The following RPTOR variants were observed in gnomAD, a reference collection of about 807,000 sequenced individuals.
The protein encoded by RPTOR is regulatory-associated protein of mTOR.
RPTOR carries 21 observed loss-of-function variants against 169.9 expected under a neutral mutation model. The observed-to-expected ratio is 0.12, with a 90% CI of 0.09 to 0.18. The LOEUF is 0.18. RPTOR is among the 10% of genes least tolerant of loss of function. RPTOR has a pLI of 1.00. For synonymous variants in RPTOR, 732 were observed against 753.2 expected (o/e 0.97, Z 0.46); for missense variants, 1,133 against 1,855.9 (o/e 0.61, Z 7.16).
At chr17:80,638,225 T>C (rs2065523538) in intron 2 of RPTOR, among the ~76,000 whole-genome samples, 1 of 152,028 alleles carries the variant, frequency 6.6e-6, no homozygotes, top group South Asian at 2.1e-4. Context: ...GAGCCCACAC[T>C]CTGAGGTCCG....
chr17:80,893,311 G>A (rs993859981), intron 19 of RPTOR, among the ~76,000 whole-genome samples: 7 of 145,148 alleles, frequency 4.8e-5, no homozygotes, highest in Non-Finnish European at 9.1e-5. Context: ...GTGTGTGTGC[G>A]CCAGGTGTGT....
intron 1 of RPTOR, among the ~76,000 whole-genome samples, chr17:80,549,464 C>T (rs1599539767): frequency 6.6e-6 from 1 of 152,178 alleles, no homozygotes; most frequent in Non-Finnish European, 1.5e-5. Flanking sequence ...TGCCCACCAC[C>T]ATGCCTGGCC....
At chr17:80,771,262 A>T (rs2066840351) in intron 6 of RPTOR, among the ~76,000 whole-genome samples, 1 of 151,946 alleles carries the variant, frequency 6.6e-6, no homozygotes, top group South Asian at 2.1e-4. Flanking sequence ...CCTGTGAGAA[A>T]CTGCAGCTCA....
intron 9 of RPTOR, among the ~76,000 whole-genome samples, chr17:80,825,236 A>C (rs12945347): frequency 8.4e-5 from 9 of 107,064 alleles, no homozygotes; most frequent in South Asian, 3.2e-4. Flanking sequence ...CCACCTCTCC[A>C]TCTAGAGGCC....
intron 11 of RPTOR, among the ~76,000 whole-genome samples, chr17:80,848,737 C>G (rs1358789668): frequency 6.6e-5 from 10 of 152,258 alleles, no homozygotes; most frequent in Admixed American, 6.5e-4. Context: ...AATCGGCCCT[C>G]TCCAAAGCAG....
Position 80,966,249 on chromosome 17 carries a change from C to T in RPTOR, c.*1919C>T, listed in dbSNP as rs1049701222. The T allele has an allele frequency of 4.3e-6, 1 of 232,872 alleles. No homozygotes were observed. Among genetic ancestry groups the T allele is most frequent in the African/African-American group, 2.2e-5 (1 of 45,308 alleles). 14.4% of individuals were successfully genotyped at this position (232,872 alleles called of 1,614,324 possible). The stretch of plus-strand genomic sequence containing the variant: ...TTAACCGGCTCGAGAGAGCGCCGGC[C>T]TAGAGGCTCATTATCTATTTATTTT... On this transcript the variant is annotated 3_prime_UTR_variant, in exon 34 of 34. Coordinates refer to ENST00000306801, the MANE Select transcript of RPTOR (RefSeq NM_020761.3).
rs1034298545 is a variant in RPTOR, at chr17:80,966,216, T to C, written c.*1886T>C. 7.0e-5 allele frequency: 14 copies of C among 201,116 alleles called. No individual in the cohort carries two copies. Among genetic ancestry groups the C allele is most frequent in the Non-Finnish European group, 1.2e-4 (12 of 102,912 alleles). The allele number at this position is 201,116 out of a possible 1,614,324, so 12.5% of individuals were successfully genotyped here. On this transcript the variant is annotated 3_prime_UTR_variant, in exon 34 of 34. Transcript: ENST00000306801. ...TCACAGGTCTGATGTGAAAATTCAA[T>C]CACGACGTTAACCGGCTCGAGAGAG...
intron 3 of RPTOR, among the ~76,000 whole-genome samples, chr17:80,658,255 A>G (rs1388035363): frequency 1.3e-5 from 2 of 152,168 alleles, no homozygotes; most frequent in Admixed American, 1.3e-4. Flanking sequence ...GTTCAGGGTC[A>G]TGTTTCTTCA....
chr17:80,862,539 C>T (rs546758703), intron 13 of RPTOR, among the ~76,000 whole-genome samples: 27 of 151,734 alleles, frequency 1.8e-4, no homozygotes, highest in Non-Finnish European at 2.8e-4. Flanking sequence ...GATGGTCCTC[C>T]GAAGCTCCGC....
chr17:80,643,674 G>C (rs1316668317), intron 2 of RPTOR, 54 bp from the exon 3 acceptor site: 2 of 1,353,674 alleles, frequency 1.5e-6, no homozygotes, highest in African/African-American at 1.4e-5. Flanking sequence ...GAGAGGCCTA[G>C]CAGAGGAGGA....
At chr17:80,658,196 C>G (rs572286143) in intron 3 of RPTOR, among the ~76,000 whole-genome samples, 1 of 152,336 alleles carries the variant, frequency 6.6e-6, no homozygotes, top group African/African-American at 2.4e-5. Context: ...TTATCTGCTT[C>G]TTTACACTTA....
chr17:80,696,418 T>A (rs2066036843), intron 3 of RPTOR, among the ~76,000 whole-genome samples: 1 of 152,160 alleles, frequency 6.6e-6, no homozygotes, highest in Non-Finnish European at 1.5e-5. Flanking sequence ...ACAAAAAAAA[T>A]GATACTGGGA....
At chr17:80,857,385 G>A (rs778093595) in intron 12 of RPTOR, among the ~76,000 whole-genome samples, 10 of 150,794 alleles carry the variant, frequency 6.6e-5, no homozygotes, top group Non-Finnish European at 1.3e-4. Context: ...TGGCCATGCC[G>A]TCACGGAGAG....
At position 80,606,241 on chromosome 17, in the gene RPTOR, A is replaced by G. The variant is rs180701581; in HGVS notation, c.163-19450A>G. On this transcript the variant is annotated intron_variant, in intron 1 of 33. Transcript: ENST00000306801. Reference sequence around the variant, plus strand: ...TAGCCAGGGTGGTCTCGATCTGCTGACCTCGTGATCCACCCGCCTCGGCCT... The same window carrying G: ...TAGCCAGGGTGGTCTCGATCTGCTGGCCTCGTGATCCACCCGCCTCGGCCT... Among the ~76,000 whole-genome samples, 441 of 144,350 alleles carry G rather than the reference A, an allele frequency of 3.1e-3. 1 individual carries two copies. Among genetic ancestry groups the G allele is most frequent in the African/African-American group, 0.011 (416 of 38,216 alleles). The allele number at this position is 144,350 out of a possible 152,430, so 94.7% of individuals were successfully genotyped here.
rs1555636518 is a variant in RPTOR, at chr17:80,927,732, C to CCCTG, written c.2919+2252_2919+2253insCCTG. On this transcript the variant is annotated intron_variant, in intron 24 of 33. Transcript: ENST00000306801. ...ATCTCGTGTGTGTGTCTGTGTGTTTCTGTGTGTCTGTGTGTGTGTGTCTAT... is the reference window on the plus strand; with the variant it reads ...ATCTCGTGTGTGTGTCTGTGTGTTTCCCTGTGTGTGTCTGTGTGTGTGTGTCTAT... Among the ~76,000 whole-genome samples, 30 of 146,624 alleles carry CCCTG rather than the reference C, an allele frequency of 2.0e-4. No homozygotes were observed. In the South Asian group the frequency reaches 4.2e-3, roughly 20 times the overall value.
chr17:80,857,861 T>A lies in RPTOR; in HGVS notation c.1470T>A (p.Leu490=), dbSNP rs751565207. 5.0e-6 allele frequency: 8 copies of A among 1,613,390 alleles called. 1 individual carries two copies. The South Asian group carries it at 8.8e-5, about 18-fold the overall frequency. Reference sequence around the variant, plus strand: ...GCTCGGCCCGAGAGCTGCGGCCACTTCTCGTTTTCATCTGGGCCAAGATCC... The same window carrying A: ...GCTCGGCCCGAGAGCTGCGGCCACTACTCGTTTTCATCTGGGCCAAGATCC... ...LQSSARELRP[L]LVFIWAKILA... Residue 490 remains leucine, a synonymous_variant, in exon 13 of 34, where the codon CTT becomes CTA. Coordinates refer to ENST00000306801, the MANE Select transcript of RPTOR (RefSeq NM_020761.3).
intron 6 of RPTOR, among the ~76,000 whole-genome samples, chr17:80,767,112 C>T (rs1046479899): frequency 6.6e-6 from 1 of 152,218 alleles, no homozygotes; most frequent in Admixed American, 6.5e-5. Flanking sequence ...GGGGCTCATG[C>T]CTATAATCCC....
In RPTOR at chr17:80,962,930, G is replaced by C. The variant is rs1006356769; in HGVS notation, c.3812G>C (p.Gly1271Ala). 6.2e-7 allele frequency: 1 copy of C among 1,613,450 alleles called. No homozygotes were observed. Among genetic ancestry groups the C allele is most frequent in the Non-Finnish European group, 8.5e-7 (1 of 1,179,934 alleles). Residue 1271 changes from glycine to alanine, a missense_variant and splice_region_variant, in exon 33 of 34, where the codon GGC (glycine) becomes GCC (alanine). This residue lies in a region of RPTOR where 410 missense variants were observed against 623.7 expected (regional missense o/e 0.66). Transcript: ENST00000306801. ...CGGGACCCTTTCTCTCCCCACAGTGGCTCCGTCAATCAGTTCACCGCCATC... is the reference window on the plus strand; with the variant it reads ...CGGGACCCTTTCTCTCCCCACAGTGCCTCCGTCAATCAGTTCACCGCCATC... Reference protein sequence around the residue: ...IHPQADLIACGSVNQFTAIYN... With the variant: ...IHPQADLIACASVNQFTAIYN...
chr17:80,854,946 ATATC>A (rs1487342797), intron 11 of RPTOR, among the ~76,000 whole-genome samples: 4 of 152,270 alleles, frequency 2.6e-5, no homozygotes, highest in South Asian at 2.1e-4. Context: ...GATAATTTAA[ATATC>A]TATCACTGGG....
Sources: allele counts gnomAD v4.1 joint callset (sites outside exome capture counted in the v4.1 genomes callset), GRCh38; gene constraint gnomAD v4.1.1; regional missense constraint gnomAD v4.1.1; transcripts MANE v1.5; gene names NCBI Gene and HGNC (gene_info 2026-07-23, HGNC 2026-07-21).